IPO11: variants seen among roughly 807,000 people sequenced by gnomAD.
IPO11 encodes the protein importin-11.
IPO11 carries 66 observed loss-of-function variants against 143.2 expected under a neutral mutation model. The ratio of observed to expected loss-of-function variants is 0.46; its 90% CI spans 0.38 to 0.57. The LOEUF (loss-of-function observed/expected upper bound fraction) is 0.57. Among genes scored for constraint, IPO11 ranks in the 20% least tolerant of loss-of-function variants. The probability of loss-of-function intolerance (pLI) is 0.00; values close to 1 mark genes in which losing one functional copy is unlikely to be tolerated. For missense variants in IPO11, 1,026 were observed against 1,141.0 expected, an observed-to-expected ratio of 0.90 and a Z score of 1.45; for synonymous variants, 385 against 377.8, an observed-to-expected ratio of 1.02 and a Z score of -0.22.
chr5:62,530,331 G>A (rs1297411884), intron 21 of IPO11, among the ~76,000 whole-genome samples: 1 of 152,144 alleles, frequency 6.6e-6, no homozygotes, highest in Non-Finnish European at 1.5e-5. Flanking sequence ...CGGAACCTGT[G>A]TATATGTGTA....
At chr5:62,545,113 G>A (rs1400482564) in intron 24 of IPO11, among the ~76,000 whole-genome samples, 1 of 152,072 alleles carries the variant, frequency 6.6e-6, no homozygotes, top group Non-Finnish European at 1.5e-5. Flanking sequence ...AAGTTCATAT[G>A]GAACCAAAAA....
chr5:62,567,819 C>T (rs1039972613), intron 27 of IPO11, among the ~76,000 whole-genome samples: 2 of 151,816 alleles, frequency 1.3e-5, no homozygotes, highest in Non-Finnish European at 2.9e-5. Flanking sequence ...ACCTCAGCCT[C>T]CCAAAGTGCT....
intron 29 of IPO11, among the ~76,000 whole-genome samples, chr5:62,609,220 C>A (rs1259025089): frequency 3.3e-5 from 5 of 152,182 alleles, no homozygotes; most frequent in Admixed American, 3.3e-4. Flanking sequence ...TTAGAAGATA[C>A]CCCATCAGCA....
chr5:62,435,082 G>GTATATATATGTGTATATA (rs1561308691), intron 1 of IPO11, among the ~76,000 whole-genome samples: 1,420 of 94,326 alleles, frequency 0.015, 140 homozygotes, highest in East Asian at 0.035. Context: ...GTATATATAT[G>GTATATATATGTGTATATA]TGTATATATG....
chr5:62,531,744 A>C (rs1742552718), intron 22 of IPO11, among the ~76,000 whole-genome samples: 1 of 152,204 alleles, frequency 6.6e-6, no homozygotes, highest in African/African-American at 2.4e-5. Context: ...TTGTTGGATG[A>C]CCATGGTGGT....
intron 12 of IPO11, among the ~76,000 whole-genome samples, chr5:62,486,646 A>G (rs1460409860): frequency 6.6e-6 from 1 of 152,204 alleles, no homozygotes; most frequent in Non-Finnish European, 1.5e-5. Flanking sequence ...TAAAAATGTT[A>G]TCTTTAATGT....
intron 3 of IPO11, among the ~76,000 whole-genome samples, chr5:62,444,334 C>T (rs770531335): frequency 1.6e-4 from 24 of 152,014 alleles, no homozygotes; most frequent in Admixed American, 4.6e-4. Flanking sequence ...CCTGGTGATC[C>T]GCCCGCCTTG....
chr5:62,623,958 G>A (rs1224429088), intron 29 of IPO11, among the ~76,000 whole-genome samples: 1 of 151,868 alleles, frequency 6.6e-6, no homozygotes, highest in Non-Finnish European at 1.5e-5. Flanking sequence ...GCTAAACAAA[G>A]GATGGATTGT....
chr5:62,617,845 A>C (rs1431766218), intron 29 of IPO11, among the ~76,000 whole-genome samples: 1 of 152,162 alleles, frequency 6.6e-6, no homozygotes, highest in Non-Finnish European at 1.5e-5. Flanking sequence ...TGCAAAATTT[A>C]TCTTATTTTC....
intron 1 of IPO11, among the ~76,000 whole-genome samples, chr5:62,415,928 G>A (rs1470223180): frequency 6.6e-6 from 1 of 152,062 alleles, no homozygotes; most frequent in African/African-American, 2.4e-5. Context: ...CTCCTTACGG[G>A]CAATATTTCC....
intron 22 of IPO11, among the ~76,000 whole-genome samples, chr5:62,536,177 A>T (rs1043042573): frequency 2.0e-5 from 3 of 151,772 alleles, no homozygotes; most frequent in Non-Finnish European, 4.4e-5. Flanking sequence ...AACACTCAGT[A>T]AATGTTCACT....
intron 27 of IPO11, among the ~76,000 whole-genome samples, chr5:62,583,039 T>G (rs1339439826): frequency 1.3e-5 from 2 of 152,186 alleles, no homozygotes; most frequent in African/African-American, 4.8e-5. Flanking sequence ...AATGCCTTTT[T>G]GGGGATTATA....
chr5:62,433,050 T>A (rs1363832896), intron 1 of IPO11, among the ~76,000 whole-genome samples: 1 of 152,198 alleles, frequency 6.6e-6, no homozygotes, highest in Non-Finnish European at 1.5e-5. Flanking sequence ...TTAGCATGGG[T>A]TATTTACCCA....
chr5:62,505,921 T>C (rs1741541072), intron 18 of IPO11, among the ~76,000 whole-genome samples: 1 of 152,126 alleles, frequency 6.6e-6, no homozygotes, highest in Non-Finnish European at 1.5e-5. Flanking sequence ...GACAAGGCAC[T>C]GTTAACAGTT....
rs1309774212 is a variant in IPO11 at position 62,509,260 on chromosome 5, CTG to C, written c.1782+2906_1782+2907del. Among the ~76,000 whole-genome samples the C allele has an allele frequency of 1.7e-4, 26 of 152,268 alleles. No individual in the cohort carries two copies. In the East Asian group the frequency reaches 3.3e-3, roughly 19 times the overall value. On this transcript the variant is annotated intron_variant, in intron 19 of 29. Coordinates refer to ENST00000325324, the MANE Select transcript of IPO11 (RefSeq NM_016338.5). ...GTGAAAGAACAAAATTAAAGGGACT[CTG>C]TGAAATATAAAATACTCTGTTGAAA...
intron 1 of IPO11, among the ~76,000 whole-genome samples, chr5:62,429,878 C>T (rs1434039417): frequency 1.3e-5 from 2 of 152,138 alleles, no homozygotes; most frequent in African/African-American, 4.8e-5. Flanking sequence ...CTGCCTCAGC[C>T]TCCCGAAGTA....
chr5:62,550,302 T>G (rs1384960427), intron 24 of IPO11, 65 bp from the exon 25 acceptor site: 1 of 1,208,462 alleles, frequency 8.3e-7, no homozygotes, highest in East Asian at 2.4e-5. Flanking sequence ...ATTGTTTCCT[T>G]ACATGTGTTT....
At chr5:62,464,954 T>C (rs1745515653) in intron 5 of IPO11, among the ~76,000 whole-genome samples, 1 of 152,132 alleles carries the variant, frequency 6.6e-6, no homozygotes, top group African/African-American at 2.4e-5. Flanking sequence ...AAGCAAGATA[T>C]CGGTTTAAAG....
At chr5:62,493,892 A>T in intron 15 of IPO11, 106 bp from the exon 16 acceptor site, 1 of 1,012,430 alleles carries the variant, frequency 9.9e-7, no homozygotes, top group Non-Finnish European at 1.4e-6. Context: ...TTAAAAATGC[A>T]GATTGCATTC....
Sources: allele counts gnomAD v4.1 joint callset (sites outside exome capture counted in the v4.1 genomes callset), GRCh38; gene constraint gnomAD v4.1.1; transcripts MANE v1.5; gene names NCBI Gene and HGNC (gene_info 2026-07-23, HGNC 2026-07-21).